Variants in PTPRK observed in about 807,000 individuals in gnomAD.
PTPRK encodes the protein protein tyrosine phosphatase receptor type K, also known as receptor-type tyrosine-protein phosphatase kappa.
Under a neutral mutation model 178.0 loss-of-function variants are expected in PTPRK, and 75 were observed. The ratio of observed to expected loss-of-function variants is 0.42; its 90% CI spans 0.35 to 0.51. The LOEUF (loss-of-function observed/expected upper bound fraction) is 0.51. PTPRK is among the 20% of genes least tolerant of loss of function. The pLI, the probability that PTPRK is intolerant of heterozygous loss-of-function variation, is 0.02. For missense variants in PTPRK, 1,441 were observed against 1,797.8 expected (o/e 0.80, Z 3.59); for synonymous variants, 637 against 620.6 (o/e 1.03, Z -0.39).
intron 2 of PTPRK, among the ~76,000 whole-genome samples, chr6:128,377,185 T>C (rs1256056425): frequency 6.6e-6 from 1 of 152,182 alleles, no homozygotes; most frequent in African/African-American, 2.4e-5. Context: ...CTGATAAAGA[T>C]GTAACGTACC....
Position 128,207,746 on chromosome 6 carries a change from G to T in PTPRK, c.868+11176C>A, listed in dbSNP as rs146760970. On this transcript the variant is annotated intron_variant, in intron 6 of 29. Transcript: ENST00000368226. ...AAGTGACACAATGCAAACAAAAGAG[G>T]GATTTAAAGTTAGATGCAAGAATAT... 2.0e-5 allele frequency among the ~76,000 whole-genome samples: 3 copies of T among 151,960 alleles called. No individual in the cohort carries two copies. In the East Asian group the frequency reaches 5.8e-4, roughly 29 times the overall value.
At chr6:128,052,208 A>G (rs1779129421) in intron 13 of PTPRK, among the ~76,000 whole-genome samples, 1 of 152,026 alleles carries the variant, frequency 6.6e-6, no homozygotes, top group Non-Finnish European at 1.5e-5. Context: ...AAGCATGAAG[A>G]GTAAGTGACT....
chr6:128,137,671 C>G lies in PTPRK; in HGVS notation c.1162+46761G>C, dbSNP rs189637200. The stretch of plus-strand genomic sequence containing the variant: ...ATCTCAGTATACCTTTGCAGTAATA[C>G]ATAGTTATTTACTGAACCCAAACAG... On this transcript the variant is annotated intron_variant, in intron 7 of 29. Coordinates refer to ENST00000368226, the MANE Select transcript of PTPRK (RefSeq NM_002844.4). Among the ~76,000 whole-genome samples the G allele has an allele frequency of 2.0e-5, 3 of 152,120 alleles. No individual in the cohort carries two copies. The East Asian group carries it at 5.8e-4, about 29-fold the overall frequency.
In PTPRK at chr6:128,342,701, A is replaced by AG. The variant is rs148059642; in HGVS notation, c.224-20392_224-20391insC. 9.6e-3 allele frequency among the ~76,000 whole-genome samples: 1,463 copies of AG among 152,336 alleles called. 23 individuals are homozygous for AG. Among genetic ancestry groups the AG allele is most frequent in the African/African-American group, 0.033 (1,375 of 41,572 alleles). On this transcript the variant is annotated intron_variant, in intron 2 of 29. Coordinates refer to ENST00000368226, the MANE Select transcript of PTPRK (RefSeq NM_002844.4). ...TTGATTCTCAGTTTTAAAACAAAAT[A>AG]AAATCTAAATTGTGAACAAAATTAA...
Position 128,403,192 on chromosome 6 carries a change from C to G in PTPRK, c.101-5504G>C, listed in dbSNP as rs996623176. On this transcript the variant is annotated intron_variant, in intron 1 of 29. Coordinates refer to ENST00000368226, the MANE Select transcript of PTPRK (RefSeq NM_002844.4). Reference sequence around the variant, plus strand: ...CAAGATTATTTAGCTAGTAAGACTTCTATTCAAACTGTATATTATTCGAAG... The same window carrying G: ...CAAGATTATTTAGCTAGTAAGACTTGTATTCAAACTGTATATTATTCGAAG... Among the ~76,000 whole-genome samples the G allele has an allele frequency of 2.0e-5, 3 of 152,288 alleles. No individual in the cohort carries two copies. In the South Asian group the frequency reaches 6.2e-4, roughly 32 times the overall value.
At chr6:128,166,728 T>C (rs1799463876) in intron 7 of PTPRK, among the ~76,000 whole-genome samples, 2 of 151,772 alleles carry the variant, frequency 1.3e-5, no homozygotes, top group African/African-American at 4.8e-5. Context: ...AGTTCATTTA[T>C]TTTACCTTTA....
intron 15 of PTPRK, among the ~76,000 whole-genome samples, chr6:128,000,694 A>C (rs1319370432): frequency 1.3e-5 from 2 of 152,100 alleles, no homozygotes; most frequent in African/African-American, 4.8e-5. Flanking sequence ...CAGAAAAATT[A>C]AATTCAGAAG....
At chr6:128,516,507 A>C (rs1363923884) in intron 1 of PTPRK, among the ~76,000 whole-genome samples, 3 of 152,236 alleles carry the variant, frequency 2.0e-5, no homozygotes, top group Non-Finnish European at 2.9e-5. Context: ...AAACCAAAAA[A>C]AACTAACAGG....
chr6:128,493,078 G>C (rs1168673047), intron 1 of PTPRK, among the ~76,000 whole-genome samples: 1 of 152,110 alleles, frequency 6.6e-6, no homozygotes, highest in Non-Finnish European at 1.5e-5. Flanking sequence ...GCACATGGTA[G>C]GCACTCAACA....
At chr6:128,007,410 A>G (rs1389480112) in intron 14 of PTPRK, among the ~76,000 whole-genome samples, 1 of 150,946 alleles carries the variant, frequency 6.6e-6, no homozygotes, top group Non-Finnish European at 1.5e-5. Flanking sequence ...AAAGACAATC[A>G]AAGCATAATT....
At chr6:128,445,229 ATAATAGTATAAATAC>A (rs1846826344) in intron 1 of PTPRK, among the ~76,000 whole-genome samples, 1 of 146,474 alleles carries the variant, frequency 6.8e-6, no homozygotes, top group African/African-American at 2.5e-5. Context: ...TAATTTATAT[ATAATAGTATAAATAC>A]TATATATAAT....
At chr6:127,998,961 A>G in intron 15 of PTPRK, 57 bp from the exon 16 acceptor site, 2 of 1,373,100 alleles carry the variant, frequency 1.5e-6, no homozygotes, top group South Asian at 1.5e-5. Flanking sequence ...CTTGTTTAAT[A>G]TATGTATCTA....
chr6:128,278,142 TATTTA>T (rs1473128541), intron 3 of PTPRK, among the ~76,000 whole-genome samples: 3 of 149,540 alleles, frequency 2.0e-5, no homozygotes, highest in African/African-American at 7.3e-5. Context: ...TTTATTTATT[TATTTA>T]TTTATTTATT....
intron 1 of PTPRK, among the ~76,000 whole-genome samples, chr6:128,423,287 G>C (rs958553683): frequency 1.3e-5 from 2 of 152,152 alleles, no homozygotes; most frequent in Admixed American, 1.3e-4. Context: ...AGTAACATTT[G>C]TGCGGGTATA....
rs763404563 is a variant in PTPRK at position 128,322,028 on chromosome 6, C to G, written c.495+11G>C. 1 of 1,613,772 alleles carries G rather than the reference C, an allele frequency of 6.2e-7. No individual in the cohort carries two copies. Among genetic ancestry groups the G allele is most frequent in the Non-Finnish European group, 8.5e-7 (1 of 1,179,872 alleles). ...CATCAAAACATACACCAGAAAAGTACAGATGATTACCTGATATTCATTGGG... is the reference window on the plus strand; with the variant it reads ...CATCAAAACATACACCAGAAAAGTAGAGATGATTACCTGATATTCATTGGG... On this transcript the variant is annotated intron_variant, in intron 3 of 29. Transcript: ENST00000368226.
intron 1 of PTPRK, chr6:128,409,149 A>G (rs1205029865): frequency 6.6e-6 from 2 of 305,010 alleles, no homozygotes; most frequent in African/African-American, 4.5e-5. Context: ...CAGGGAAACT[A>G]CTTATGGGAA....
intron 7 of PTPRK, among the ~76,000 whole-genome samples, chr6:128,162,145 G>C (rs1461707544): frequency 2.0e-5 from 3 of 151,524 alleles, no homozygotes; most frequent in Non-Finnish European, 1.5e-5. Context: ...GAGGATACTA[G>C]TTTTGATGTT....
chr6:128,377,652 G>A (rs1053974608), intron 2 of PTPRK, among the ~76,000 whole-genome samples: 2 of 151,010 alleles, frequency 1.3e-5, no homozygotes, highest in African/African-American at 4.9e-5. Context: ...TCAGCATCTT[G>A]AGAAAAGTTA....
At chr6:128,420,648 G>C (rs921478311) in intron 1 of PTPRK, among the ~76,000 whole-genome samples, 2 of 152,202 alleles carry the variant, frequency 1.3e-5, no homozygotes, top group Non-Finnish European at 2.9e-5. Flanking sequence ...AGCATTTAGA[G>C]AGCAGCAGGA....
Sources: gnomAD v4.1 joint callset for allele counts (sites outside exome capture counted in the v4.1 genomes callset) on GRCh38, gnomAD v4.1.1 for gene constraint, MANE v1.5 for transcripts, NCBI Gene and HGNC (gene_info 2026-07-23, HGNC 2026-07-21) for gene names.